Variants in SHANK2 observed in about 807,000 individuals in gnomAD.
SHANK2 encodes SH3 and multiple ankyrin repeat domains protein 2.
In SHANK2, 43 loss-of-function variants were observed where a neutral mutation model predicts 133.7. The ratio of observed to expected loss-of-function variants is 0.32; its 90% CI spans 0.25 to 0.41. The LOEUF is 0.41. Among genes scored for constraint, SHANK2 ranks in the 10% least tolerant of loss-of-function variants. The pLI, the probability that SHANK2 is intolerant of heterozygous loss-of-function variation, is 1.00. For synonymous variants in SHANK2, 1,017 were observed against 952.8 expected (o/e 1.07, Z -1.24); for missense variants, 1,994 against 2,235.8 (o/e 0.89, Z 2.18).
chr11:70,577,859 A>T (rs1565146684), intron 17 of SHANK2, among the ~76,000 whole-genome samples: 2 of 152,238 alleles, frequency 1.3e-5, no homozygotes, highest in Non-Finnish European at 2.9e-5. Context: ...AAATGAGGCC[A>T]TTAGGGTGGG....
chr11:70,803,657 C>T (rs3019845), intron 13 of SHANK2, among the ~76,000 whole-genome samples: 51,418 of 151,718 alleles, frequency 0.34, 9,986 homozygotes, highest in African/African-American at 0.53. Flanking sequence ...GCAGGGACTT[C>T]GGGAAGAGAG....
chr11:71,123,035 A>G (rs1320938929), intron 3 of SHANK2, among the ~76,000 whole-genome samples: 1 of 152,204 alleles, frequency 6.6e-6, no homozygotes, highest in African/African-American at 2.4e-5. Flanking sequence ...CAGGTCGAGC[A>G]TTCCCAGCTC....
intron 11 of SHANK2, among the ~76,000 whole-genome samples, chr11:70,823,683 C>A (rs541786932): frequency 1.6e-4 from 23 of 142,652 alleles, no homozygotes; most frequent in Admixed American, 3.5e-4. Flanking sequence ...ACAGAGGTGG[C>A]GCTGGCAGAA....
intron 11 of SHANK2, among the ~76,000 whole-genome samples, chr11:70,869,081 G>A (rs1378487583): frequency 2.0e-5 from 3 of 152,298 alleles, no homozygotes; most frequent in East Asian, 3.9e-4. Flanking sequence ...CTTACAAGAA[G>A]AGATCAGGAC....
At chr11:70,620,306 AC>A (rs2060811451) in intron 17 of SHANK2, among the ~76,000 whole-genome samples, 1 of 152,162 alleles carries the variant, frequency 6.6e-6, no homozygotes, top group Non-Finnish European at 1.5e-5. Flanking sequence ...AAGAATCATT[AC>A]CTTGCCGGGG....
In SHANK2 at chr11:70,492,552, T is replaced by TC; in HGVS notation, c.2309-88dup. 1.9e-6 allele frequency: 3 copies of TC among 1,553,738 alleles called. No individual in the cohort carries two copies. In the East Asian group the frequency reaches 6.7e-5, roughly 35 times the overall value. On this transcript the variant is annotated intron_variant, in intron 21 of 25. Transcript: ENST00000601538. Reference sequence around the variant, plus strand: ...GAAAGCGCACAGGTGCAGCAGCCACTCCAACATCCAAAACTGTGCAGGGGG... The same window carrying TC: ...GAAAGCGCACAGGTGCAGCAGCCACTCCCAACATCCAAAACTGTGCAGGGGG...
At chr11:70,694,184 G>GT (rs1440469465) in intron 15 of SHANK2, among the ~76,000 whole-genome samples, 1 of 152,232 alleles carries the variant, frequency 6.6e-6, no homozygotes, top group African/African-American at 2.4e-5. Context: ...AAAGTCCCAA[G>GT]TAGAAATGGC....
intron 17 of SHANK2, among the ~76,000 whole-genome samples, chr11:70,573,314 A>T (rs1286639571): frequency 3.7e-4 from 1 of 2,704 alleles, no homozygotes; most frequent in Non-Finnish European, 6.7e-4. Flanking sequence ...TGGTCACTCC[A>T]GCGGTGGGGG....
At chr11:70,609,042 A>T (rs555303600) in intron 17 of SHANK2, among the ~76,000 whole-genome samples, 1 of 152,364 alleles carries the variant, frequency 6.6e-6, no homozygotes, top group South Asian at 2.1e-4. Context: ...AGACGTCTCA[A>T]GGGAAACCTG....
intron 15 of SHANK2, among the ~76,000 whole-genome samples, chr11:70,694,880 T>C (rs748206755): frequency 6.6e-6 from 1 of 152,072 alleles, no homozygotes; most frequent in Non-Finnish European, 1.5e-5. Flanking sequence ...CCACCCTCCA[T>C]CCGTGCTGCC....
chr11:70,618,967 G>A (rs947594075), intron 17 of SHANK2, among the ~76,000 whole-genome samples: 3 of 152,186 alleles, frequency 2.0e-5, no homozygotes, highest in Admixed American at 6.5e-5. Context: ...GGAGATGGAC[G>A]GGGTGAATCA....
At chr11:70,801,385 G>A (rs573635228) in intron 13 of SHANK2, among the ~76,000 whole-genome samples, 3 of 152,348 alleles carry the variant, frequency 2.0e-5, no homozygotes, top group South Asian at 2.1e-4. Context: ...GGGTGCAGGG[G>A]AATGGAGGAG....
At chr11:70,930,352 G>A (rs1950485369) in intron 10 of SHANK2, among the ~76,000 whole-genome samples, 1 of 152,136 alleles carries the variant, frequency 6.6e-6, no homozygotes, top group Admixed American at 6.5e-5. Flanking sequence ...AAGAAACTGG[G>A]GCAAATTGAT....
chr11:70,847,299 C>T (rs554797574), intron 11 of SHANK2, among the ~76,000 whole-genome samples: 3 of 152,310 alleles, frequency 2.0e-5, no homozygotes, highest in East Asian at 1.9e-4. Context: ...CGCCTCCTAC[C>T]GCTGCAATTC....
At chr11:70,718,010 G>A (rs1223493928) in intron 14 of SHANK2, among the ~76,000 whole-genome samples, 5 of 152,142 alleles carry the variant, frequency 3.3e-5, no homozygotes, top group African/African-American at 4.8e-5. Context: ...GACTGGAGCC[G>A]CGTCCTTCCA....
chr11:70,491,145 A>T (rs2058881675), intron 22 of SHANK2, among the ~76,000 whole-genome samples: 1 of 152,240 alleles, frequency 6.6e-6, no homozygotes, highest in Non-Finnish European at 1.5e-5. Flanking sequence ...CAGGGCCCCA[A>T]ACCTGTAGTG....
chr11:70,896,997 G>A (rs782704658), intron 10 of SHANK2, among the ~76,000 whole-genome samples: 5 of 152,138 alleles, frequency 3.3e-5, no homozygotes, highest in Admixed American at 6.6e-5. Context: ...TGGAAAGAAG[G>A]GGAAACCTCA....
At chr11:70,506,787 T>G (rs1461819277) in intron 17 of SHANK2, among the ~76,000 whole-genome samples, 1 of 152,118 alleles carries the variant, frequency 6.6e-6, no homozygotes, top group Non-Finnish European at 1.5e-5. Flanking sequence ...GGGGCCCTGC[T>G]GCTTGCTGGG....
At chr11:71,059,752 C>A (rs974702045) in intron 9 of SHANK2, among the ~76,000 whole-genome samples, 95 of 152,288 alleles carry the variant, frequency 6.2e-4, no homozygotes, top group African/African-American at 2.2e-3. Context: ...GTGGGCGGAT[C>A]TGAGTTGGGT....
Sources: gnomAD v4.1 joint callset for allele counts (sites outside exome capture counted in the v4.1 genomes callset) on GRCh38, gnomAD v4.1.1 for gene constraint, MANE v1.5 for transcripts, NCBI Gene and HGNC (gene_info 2026-07-23, HGNC 2026-07-21) for gene names.